Variants in GLIPR1 observed in about 807,000 individuals in gnomAD.
GLIPR1 encodes the protein glioma pathogenesis-related protein 1.
A neutral mutation model predicts 30.3 loss-of-function variants in GLIPR1; 38 were observed. That is an observed-to-expected ratio of 1.26 (90% CI 0.97 to 1.65). GLIPR1 has a LOEUF of 1.65. GLIPR1 is among the 40% of genes most tolerant of loss of function. The pLI is 0.00. For missense variants in GLIPR1, 285 were observed against 326.5 expected (o/e 0.87, Z 0.98); for synonymous variants, 122 against 110.6 (o/e 1.10, Z -0.65).
chr12:75,481,112 G>A, intron 1 of GLIPR1, 58 bp downstream of exon 1: 1 of 1,328,638 alleles, frequency 7.5e-7, no homozygotes, highest in Non-Finnish European at 1.1e-6. Flanking sequence ...AATGTGTATT[G>A]ACTTTGGTGT....
At chr12:75,492,507 T>C (rs1044496805) in intron 3 of GLIPR1, 8 of 152,218 alleles carry the variant, frequency 5.3e-5, no homozygotes, top group African/African-American at 1.9e-4. Context: ...AGAGTAGCTA[T>C]GAAAGTGACA....
At chr12:75,488,008 C>T (rs1285073208) in intron 2 of GLIPR1, among the ~76,000 whole-genome samples, 4 of 152,146 alleles carry the variant, frequency 2.6e-5, no homozygotes, top group Admixed American at 1.3e-4. Context: ...GTTGCCACGG[C>T]ATTTGTAAAC....
Position 75,481,821 on chromosome 12 carries a change from T to G in GLIPR1, c.175-13T>G, listed in dbSNP as rs779492735. On this transcript the variant is annotated splice_polypyrimidine_tract_variant and intron_variant, in intron 1 of 5. Transcript: ENST00000266659. The stretch of plus-strand genomic sequence containing the variant: ...CAGATGAACCCCCTATTGTTTAATG[T>G]TTATTTTTGCAGACTTGGGACCCAG... 1.9e-6 allele frequency: 3 copies of G among 1,613,194 alleles called. No homozygotes were observed. Among genetic ancestry groups the G allele is most frequent in the Non-Finnish European group, 1.7e-6 (2 of 1,179,312 alleles).
chr12:75,489,251 G>T (rs2046308673), intron 2 of GLIPR1, among the ~76,000 whole-genome samples: 3 of 152,176 alleles, frequency 2.0e-5, no homozygotes, highest in Non-Finnish European at 2.9e-5. Context: ...GCTCTTTTGA[G>T]TGCTGGATCC....
At chr12:75,495,440 C>G in intron 3 of GLIPR1, 137 bp from the exon 4 acceptor site, 2 of 578,300 alleles carry the variant, frequency 3.5e-6, no homozygotes, top group Non-Finnish European at 3.2e-6. Context: ...GCCTTCCTGT[C>G]TTCACTTCTA....
intron 4 of GLIPR1, 68 bp downstream of exon 4, chr12:75,495,730 CAATG>C (rs2046346551): frequency 1.1e-6 from 1 of 920,402 alleles, no homozygotes; most frequent in Admixed American, 2.0e-5. Context: ...ACAGAATTAA[CAATG>C]AAACCATGTT....
At position 75,500,018 on chromosome 12, in the gene GLIPR1, G is replaced by T; in HGVS notation, c.*1040G>T. 8.0e-7 allele frequency: 1 copy of T among 1,251,738 alleles called. No individual in the cohort carries two copies. The highest frequency in any genetic ancestry group is 1.1e-6 in the Non-Finnish European group (1 of 902,340). 77.5% of individuals were successfully genotyped at this position (1,251,738 alleles called of 1,614,324 possible). A position where few individuals can be genotyped will look rare whatever the true frequency, so the allele number is the denominator to read the frequency against. On this transcript the variant is annotated 3_prime_UTR_variant, in exon 6 of 6. Coordinates refer to ENST00000266659, the MANE Select transcript of GLIPR1 (RefSeq NM_006851.3). Reference sequence around the variant, plus strand: ...TTACCAAGTAAAACAAAGAATATATGTTTAACAAAGAATATATGTTTAAGG... The same window carrying T: ...TTACCAAGTAAAACAAAGAATATATTTTTAACAAAGAATATATGTTTAAGG...
chr12:75,500,528 T>G lies in GLIPR1; in HGVS notation c.*1550T>G, dbSNP rs941765348. 1 of 151,986 alleles carries G rather than the reference T, an allele frequency of 6.6e-6. No individual in the cohort carries two copies. The highest frequency in any genetic ancestry group is 2.4e-5 in the African/African-American group (1 of 41,416). 9.4% of individuals were successfully genotyped at this position (151,986 alleles called of 1,614,324 possible). On this transcript the variant is annotated 3_prime_UTR_variant, in exon 6 of 6. Coordinates refer to ENST00000266659, the MANE Select transcript of GLIPR1 (RefSeq NM_006851.3). Reference sequence around the variant, plus strand: ...TAATGTTAGATTAATTCATTGAATATTAATTCAATGAATGACTAATTAATA... The same window carrying G: ...TAATGTTAGATTAATTCATTGAATAGTAATTCAATGAATGACTAATTAATA...
Position 75,480,967 on chromosome 12 carries a change from A to C in GLIPR1, c.87A>C (p.Glu29Asp). The C allele has an allele frequency of 6.2e-7, 1 of 1,613,956 alleles. No individual in the cohort carries two copies. The highest frequency in any genetic ancestry group is 1.7e-4 in the Middle Eastern group (1 of 6,060). ...SHTANILPDI[E>D]NEDFIKDCVR... is the part of the protein sequence containing the mutation. ...CAGCAAATATTTTGCCAGATATCGA[A>C]AATGAAGATTTCATCAAAGACTGCG... Residue 29 changes from glutamate to aspartate, a missense_variant, in exon 1 of 6, where the codon GAA becomes GAC. Glu to Asp is a conservative substitution (Grantham distance 45, BLOSUM62 2). Transcript: ENST00000266659.
intron 2 of GLIPR1, 137 bp from the exon 3 acceptor site, chr12:75,490,269 T>G: frequency 1.7e-6 from 1 of 597,926 alleles, no homozygotes; most frequent in South Asian, 2.0e-5. Flanking sequence ...ATCCAGCTGA[T>G]TTCTGAGTAT....
chr12:75,498,048 G>A (rs2046362535), intron 4 of GLIPR1: 1 of 152,278 alleles, frequency 6.6e-6, no homozygotes. Context: ...CCAGATGATT[G>A]ATGGGTTCTA....
At position 75,503,841 on chromosome 12, in the gene GLIPR1, G is replaced by C; in HGVS notation, c.*4863G>C. On this transcript the variant is annotated 3_prime_UTR_variant, in exon 6 of 6. Coordinates refer to ENST00000266659, the MANE Select transcript of GLIPR1 (RefSeq NM_006851.3). ...TCCCACCTGAAATACTTTCAATAAA[G>C]TTTCTGACCAAATACATTAAAATAG... is the stretch of plus-strand genomic sequence containing the variant. 1.4e-6 allele frequency: 2 copies of C among 1,420,992 alleles called. No homozygotes were observed. Among genetic ancestry groups the C allele is most frequent in the Non-Finnish European group, 1.9e-6 (2 of 1,041,670 alleles). 88.0% of individuals were successfully genotyped at this position (1,420,992 alleles called of 1,614,324 possible).
intron 4 of GLIPR1, chr12:75,497,715 G>A (rs939993928): frequency 6.6e-6 from 1 of 151,904 alleles, no homozygotes; most frequent in Non-Finnish European, 1.5e-5. Flanking sequence ...AAATTCCTTC[G>A]TGGTATTCCT....
intron 2 of GLIPR1, among the ~76,000 whole-genome samples, chr12:75,486,655 G>T (rs2046295147): frequency 1.3e-5 from 2 of 152,110 alleles, no homozygotes; most frequent in Non-Finnish European, 2.9e-5. Context: ...ATATTACTCA[G>T]CAATAAAAAG....
chr12:75,488,393 C>T (rs1342769431), intron 2 of GLIPR1, among the ~76,000 whole-genome samples: 7 of 152,034 alleles, frequency 4.6e-5, no homozygotes, highest in South Asian at 2.1e-4. Flanking sequence ...CAAAATTAGC[C>T]GGGCATGGTG....
At position 75,498,857 on chromosome 12, in the gene GLIPR1, T is replaced by C. The variant is rs1392430272; in HGVS notation, c.680T>C (p.Ile227Thr). Reference protein sequence around the residue: ...YYSVVYPGWPIYPRNRYTSLF... With the variant: ...YYSVVYPGWPTYPRNRYTSLF... ...TCTGTTGTATATCCAGGCTGGCCCA[T>C]ATATCCACGTAACAGATACACTTCT... The change falls in exon 6 of 6, where the codon ATA becomes ACA. Residue 227 changes from isoleucine (I) to threonine (T), a missense_variant. Coordinates refer to ENST00000266659, the MANE Select transcript of GLIPR1 (RefSeq NM_006851.3). 6.2e-7 allele frequency: 1 copy of C among 1,611,774 alleles called. No homozygotes were observed. Among genetic ancestry groups the C allele is most frequent in the African/African-American group, 1.3e-5 (1 of 74,856 alleles).
At chr12:75,492,418 T>C (rs1377166027) in intron 3 of GLIPR1, 1 of 152,212 alleles carries the variant, frequency 6.6e-6, no homozygotes, top group Non-Finnish European at 1.5e-5. Flanking sequence ...TACAATTAAT[T>C]TACTGTGTGA....
At chr12:75,485,244 TATG>T (rs1566095657) in intron 2 of GLIPR1, among the ~76,000 whole-genome samples, 1 of 152,198 alleles carries the variant, frequency 6.6e-6, no homozygotes, top group East Asian at 1.9e-4. Flanking sequence ...TCACAAAATG[TATG>T]ATATTTCTTG....
Position 75,499,688 on chromosome 12 carries a change from C to T in GLIPR1, c.*710C>T, listed in dbSNP as rs972638034. 3.6e-6 allele frequency: 2 copies of T among 562,916 alleles called. No homozygotes were observed. Among genetic ancestry groups the T allele is most frequent in the Non-Finnish European group, 5.8e-6 (2 of 343,042 alleles). 34.9% of individuals were successfully genotyped at this position (562,916 alleles called of 1,614,324 possible). A position where few individuals can be genotyped will look rare whatever the true frequency, so the allele number is the denominator to read the frequency against. On this transcript the variant is annotated 3_prime_UTR_variant, in exon 6 of 6. Transcript: ENST00000266659. ...ATAAAGAACACTCTTCTATGAACAA[C>T]CACCACCACCAAAAAAAAAAAAAGC...
Sources: gnomAD v4.1 joint callset for allele counts (sites outside exome capture counted in the v4.1 genomes callset) on GRCh38, gnomAD v4.1.1 for gene constraint, MANE v1.5 for transcripts, NCBI Gene and HGNC (gene_info 2026-07-23, HGNC 2026-07-21) for gene names.